TRPM3: variants seen among roughly 807,000 people sequenced by gnomAD.
TRPM3 encodes the protein long transient receptor potential channel 3.
In TRPM3, 77 loss-of-function variants were observed where a neutral mutation model predicts 181.2. The ratio of observed to expected loss-of-function variants is 0.42; its 90% CI spans 0.35 to 0.51. The LOEUF is 0.51. TRPM3 is among the 20% of genes least tolerant of loss of function. The pLI, the probability that TRPM3 is intolerant of heterozygous loss-of-function variation, is 0.01. For synonymous variants in TRPM3, 745 were observed against 796.4 expected (o/e 0.94, Z 1.09); for missense variants, 1,759 against 2,196.7 (o/e 0.80, Z 3.98).
intron 1 of TRPM3, among the ~76,000 whole-genome samples, chr9:71,118,228 T>C (rs2072869539): frequency 6.6e-6 from 1 of 152,186 alleles, no homozygotes; most frequent in Admixed American, 6.5e-5. Flanking sequence ...CCAAGTTTTA[T>C]TTCCAAATGC....
chr9:71,211,143 A>T (rs1367365398), intron 1 of TRPM3, among the ~76,000 whole-genome samples: 1 of 152,110 alleles, frequency 6.6e-6, no homozygotes, highest in Non-Finnish European at 1.5e-5. Context: ...TAGAAATCAG[A>T]CAGGTAGAAA....
chr9:71,434,164 A>C (rs1230356288), intron 1 of TRPM3, among the ~76,000 whole-genome samples: 3 of 152,112 alleles, frequency 2.0e-5, no homozygotes, highest in African/African-American at 4.8e-5. Flanking sequence ...GTCTCAAAAA[A>C]TATAAATAAA....
chr9:71,350,943 C>T (rs570506061), intron 1 of TRPM3, among the ~76,000 whole-genome samples: 1 of 152,146 alleles, frequency 6.6e-6, no homozygotes, highest in Non-Finnish European at 1.5e-5. Flanking sequence ...TTGATATCTA[C>T]CTCCATGCTC....
chr9:70,904,090 T>C (rs2133057577), intron 1 of TRPM3, among the ~76,000 whole-genome samples: 1 of 152,206 alleles, frequency 6.6e-6, no homozygotes, highest in South Asian at 2.1e-4. Flanking sequence ...GGCATGGTGG[T>C]GCACACCTGT....
intron 1 of TRPM3, among the ~76,000 whole-genome samples, chr9:71,061,379 C>T (rs1049831246): frequency 2.6e-5 from 4 of 152,192 alleles, no homozygotes; most frequent in Middle Eastern, 3.4e-3. Context: ...GGTGTGGAAT[C>T]AACAGAGGTG....
At chr9:71,354,348 C>T (rs1298468198) in intron 1 of TRPM3, among the ~76,000 whole-genome samples, 1 of 152,044 alleles carries the variant, frequency 6.6e-6, no homozygotes, top group Non-Finnish European at 1.5e-5. Context: ...CTTGGCAGAC[C>T]CCAAAGATAC....
At chr9:70,631,342 C>G (rs1019976781) in intron 12 of TRPM3, among the ~76,000 whole-genome samples, 1 of 150,140 alleles carries the variant, frequency 6.7e-6, no homozygotes, top group African/African-American at 2.5e-5. Flanking sequence ...TTTCCTTACC[C>G]AAAGTGTGTC....
At chr9:70,875,834 G>T (rs2095860119) in intron 1 of TRPM3, among the ~76,000 whole-genome samples, 1 of 151,886 alleles carries the variant, frequency 6.6e-6, no homozygotes, top group South Asian at 2.1e-4. Flanking sequence ...TAAGCAGACA[G>T]ATCCAGCAAT....
intron 1 of TRPM3, among the ~76,000 whole-genome samples, chr9:71,199,133 T>C (rs1446092402): frequency 2.0e-5 from 3 of 151,520 alleles, no homozygotes; most frequent in Non-Finnish European, 2.9e-5. Context: ...GAGATAATCA[T>C]GTGGTTTTTG....
At chr9:71,156,514 A>G (rs1478843306) in intron 1 of TRPM3, among the ~76,000 whole-genome samples, 1 of 151,714 alleles carries the variant, frequency 6.6e-6, no homozygotes, top group Non-Finnish European at 1.5e-5. Context: ...CTTTTCATCT[A>G]CTTTTTATAA....
At chr9:70,821,281 C>T (rs1460421028) in intron 6 of TRPM3, among the ~76,000 whole-genome samples, 2 of 152,036 alleles carry the variant, frequency 1.3e-5, no homozygotes, top group Non-Finnish European at 1.5e-5. Flanking sequence ...GTCTGGATTT[C>T]CTTCAAAATT....
chr9:71,413,144 G>A (rs1435900183), intron 1 of TRPM3, among the ~76,000 whole-genome samples: 2 of 152,016 alleles, frequency 1.3e-5, no homozygotes, highest in African/African-American at 4.8e-5. Flanking sequence ...AATACCTAAT[G>A]TAAGTGACGA....
At chr9:70,680,470 G>T (rs544585595) in intron 9 of TRPM3, among the ~76,000 whole-genome samples, 1 of 152,272 alleles carries the variant, frequency 6.6e-6, no homozygotes, top group African/African-American at 2.4e-5. Context: ...GAATCATTGA[G>T]TAGCCCACTT....
At chr9:70,868,889 C>T in intron 1 of TRPM3, 1 of 697,822 alleles carries the variant, frequency 1.4e-6, no homozygotes, top group Non-Finnish European at 1.8e-6. Context: ...CCTTTCCCTC[C>T]AAGCCTCCCT....
intron 9 of TRPM3, among the ~76,000 whole-genome samples, chr9:70,647,796 A>T (rs1007465948): frequency 6.6e-6 from 1 of 152,228 alleles, no homozygotes; most frequent in Non-Finnish European, 1.5e-5. Flanking sequence ...AGAAAATCCC[A>T]TGGTCTATGC....
At chr9:71,116,649 T>C (rs960281715) in intron 1 of TRPM3, among the ~76,000 whole-genome samples, 10 of 152,164 alleles carry the variant, frequency 6.6e-5, no homozygotes, top group Non-Finnish European at 1.5e-4. Flanking sequence ...CTTCAGTTAA[T>C]TCCCTTGTGT....
At chr9:71,117,950 TG>T (rs2072790948) in intron 1 of TRPM3, among the ~76,000 whole-genome samples, 1 of 152,156 alleles carries the variant, frequency 6.6e-6, no homozygotes, top group African/African-American at 2.4e-5. Context: ...GAATTCAACA[TG>T]TTACCAAAAT....
intron 1 of TRPM3, among the ~76,000 whole-genome samples, chr9:71,179,592 T>G (rs776403093): frequency 1.2e-4 from 18 of 152,164 alleles, no homozygotes; most frequent in Non-Finnish European, 1.9e-4. Context: ...TGAAATTTAC[T>G]CTGTAGAAAC....
intron 1 of TRPM3, 77 bp downstream of exon 1, chr9:71,121,101 C>T: frequency 2.0e-6 from 3 of 1,476,504 alleles, no homozygotes; most frequent in South Asian, 1.3e-5. Flanking sequence ...AAGGTGCGTC[C>T]CAGCCCAAGT....
Sources: gnomAD v4.1 joint callset for allele counts (sites outside exome capture counted in the v4.1 genomes callset) on GRCh38, gnomAD v4.1.1 for gene constraint, MANE v1.5 for transcripts, NCBI Gene and HGNC (gene_info 2026-07-23, HGNC 2026-07-21) for gene names.